The following MPPED2 variants were observed in gnomAD, a reference collection of about 807,000 sequenced individuals.
MPPED2 encodes the protein metallophosphoesterase domain containing 2.
A neutral mutation model predicts 33.0 loss-of-function variants in MPPED2; 5 were observed. That is an observed-to-expected ratio of 0.15 (90% CI 0.08 to 0.32). The LOEUF is 0.32. Ranked by LOEUF, MPPED2 falls within the 10% of genes least tolerant of loss-of-function variation. The pLI is 1.00. For synonymous variants in MPPED2, 136 were observed against 141.9 expected (o/e 0.96, Z 0.29); for missense variants, 275 against 372.1 (o/e 0.74, Z 2.15).
intron 3 of MPPED2, among the ~76,000 whole-genome samples, chr11:30,533,772 C>G (rs1371257341): frequency 1.3e-5 from 2 of 152,174 alleles, no homozygotes; most frequent in African/African-American, 4.8e-5. Flanking sequence ...CTCACCAGAT[C>G]ATAGGGGAAA....
intron 6 of MPPED2, 49 bp from the exon 7 acceptor site, chr11:30,411,635 G>A (rs745759405): frequency 2.0e-6 from 3 of 1,514,872 alleles, no homozygotes; most frequent in Non-Finnish European, 2.7e-6. Flanking sequence ...AAATGAGAGT[G>A]ATGGAATGTA....
intron 6 of MPPED2, among the ~76,000 whole-genome samples, chr11:30,400,414 G>T (rs1437134278): frequency 6.6e-6 from 1 of 152,148 alleles, no homozygotes; most frequent in Non-Finnish European, 1.5e-5. Flanking sequence ...GGAATGAAAA[G>T]GAAAATACCC....
At position 30,448,806 on chromosome 11, in the gene MPPED2, C is replaced by T. The variant is rs549946077; in HGVS notation, c.537-31173G>A. Among the ~76,000 whole-genome samples, 4 of 152,134 alleles carry T rather than the reference C, an allele frequency of 2.6e-5. No homozygotes were observed. The East Asian group carries it at 7.8e-4, about 30-fold the overall frequency. ...TCTCCTGCCCCAGCCTCCTGAGTAGCACCACCACGCCTGGCTAATTTTGTA... is the reference window on the plus strand; with the variant it reads ...TCTCCTGCCCCAGCCTCCTGAGTAGTACCACCACGCCTGGCTAATTTTGTA... On this transcript the variant is annotated intron_variant, in intron 4 of 6. Transcript: ENST00000358117.
At chr11:30,492,164 AAC>A (rs1413249763) in intron 4 of MPPED2, among the ~76,000 whole-genome samples, 3 of 152,200 alleles carry the variant, frequency 2.0e-5, no homozygotes, top group Admixed American at 2.0e-4. Flanking sequence ...CACCACCAAA[AAC>A]AGATCATGCC....
At chr11:30,440,000 C>T (rs1182920615) in intron 4 of MPPED2, among the ~76,000 whole-genome samples, 1 of 152,096 alleles carries the variant, frequency 6.6e-6, no homozygotes, top group Non-Finnish European at 1.5e-5. Flanking sequence ...AAGCTATGGC[C>T]CGTGGGCCAA....
chr11:30,554,139 G>A (rs1416703654), intron 2 of MPPED2, among the ~76,000 whole-genome samples: 2 of 152,142 alleles, frequency 1.3e-5, no homozygotes, highest in African/African-American at 2.4e-5. Flanking sequence ...CCGCCCTCAT[G>A]TCAATCCCCT....
chr11:30,453,254 A>C, intron 4 of MPPED2, among the ~76,000 whole-genome samples: 1 of 152,220 alleles, frequency 6.6e-6, no homozygotes, highest in East Asian at 1.9e-4. Context: ...CAGTCGAAGA[A>C]GACTCCACAC....
chr11:30,457,883 G>A (rs1272011475), intron 4 of MPPED2, among the ~76,000 whole-genome samples: 1 of 152,168 alleles, frequency 6.6e-6, no homozygotes, highest in East Asian at 1.9e-4. Context: ...ACAATTTGAT[G>A]ACACATATGA....
rs552639738 is a variant in MPPED2, at chr11:30,541,277, C to CA, written c.129-5103dup. 3.9e-3 allele frequency among the ~76,000 whole-genome samples: 598 copies of CA among 152,176 alleles called. 11 individuals carry two copies. Among genetic ancestry groups the CA allele is most frequent in the Non-Finnish European group, 1.0e-3 (70 of 67,992 alleles). The stretch of plus-strand genomic sequence containing the variant: ...TGACATATTAGGGTTTTTTTACTCA[C>CA]AAAAAATATGATAATATTATGGCTT... On this transcript the variant is annotated intron_variant, in intron 2 of 6. Coordinates refer to ENST00000358117, the MANE Select transcript of MPPED2 (RefSeq NM_001584.3).
chr11:30,442,325 T>C (rs1949614359), intron 4 of MPPED2, among the ~76,000 whole-genome samples: 2 of 152,212 alleles, frequency 1.3e-5, no homozygotes, highest in Admixed American at 1.3e-4. Flanking sequence ...CTGTGAATGT[T>C]TGGAGACATG....
At chr11:30,538,318 G>A (rs73459704) in intron 2 of MPPED2, among the ~76,000 whole-genome samples, 1 of 152,108 alleles carries the variant, frequency 6.6e-6, no homozygotes, top group Admixed American at 6.6e-5. Context: ...CCTTTGGGAG[G>A]TCATCTCAGC....
chr11:30,485,679 C>T (rs1217296694), intron 4 of MPPED2, among the ~76,000 whole-genome samples: 1 of 152,172 alleles, frequency 6.6e-6, no homozygotes, highest in African/African-American at 2.4e-5. Context: ...GCCTAAGGAA[C>T]TGCTTGTTTA....
exon 7 of MPPED2, chr11:30,386,981 T>C (rs775133043): frequency 5.2e-6 from 2 of 386,976 alleles, no homozygotes; most frequent in African/African-American, 2.1e-5. Context: ...ATCCATGGCT[T>C]GCAGATCAGA....
chr11:30,464,268 AACAC>A lies in MPPED2; in HGVS notation c.536+31024_536+31027del, dbSNP rs10660237. ...TTTTATTCTACCATGAAAGGATACT[AACAC>A]ACACACACACACACACACACACACA... is the stretch of plus-strand genomic sequence containing the variant. On this transcript the variant is annotated intron_variant, in intron 4 of 6. Transcript: ENST00000358117. Among the ~76,000 whole-genome samples, 253 of 146,010 alleles carry A rather than the reference AACAC, an allele frequency of 1.7e-3. 1 individual carries two copies. The highest frequency in any genetic ancestry group is 3.5e-3 in the Middle Eastern group (1 of 282).
At chr11:30,542,567 C>T (rs948278116) in intron 2 of MPPED2, among the ~76,000 whole-genome samples, 1 of 151,480 alleles carries the variant, frequency 6.6e-6, no homozygotes, top group Non-Finnish European at 1.5e-5. Context: ...GAGGTCAAGG[C>T]TGCAGCGAGC....
At chr11:30,480,207 G>A (rs111302988) in intron 4 of MPPED2, among the ~76,000 whole-genome samples, 3 of 152,162 alleles carry the variant, frequency 2.0e-5, no homozygotes, top group African/African-American at 7.2e-5. Flanking sequence ...ATATGCAAGG[G>A]CTGCATCTTC....
chr11:30,494,271 G>A (rs1471104716), intron 4 of MPPED2, among the ~76,000 whole-genome samples: 1 of 152,156 alleles, frequency 6.6e-6, no homozygotes, highest in Non-Finnish European at 1.5e-5. Flanking sequence ...ACCTAAGGCT[G>A]ATGGAATGTT....
chr11:30,536,424 C>T (rs895228020), intron 2 of MPPED2, among the ~76,000 whole-genome samples: 5 of 152,098 alleles, frequency 3.3e-5, no homozygotes, highest in Non-Finnish European at 5.9e-5. Context: ...GAATATCTTA[C>T]ATATAGATCT....
chr11:30,541,437 A>T (rs1955108139), intron 2 of MPPED2, among the ~76,000 whole-genome samples: 1 of 152,170 alleles, frequency 6.6e-6, no homozygotes, highest in Non-Finnish European at 1.5e-5. Flanking sequence ...TCTTCTTTAG[A>T]CCATGTGTGC....
Sources: allele counts gnomAD v4.1 joint callset (sites outside exome capture counted in the v4.1 genomes callset), GRCh38; gene constraint gnomAD v4.1.1; transcripts MANE v1.5; gene names NCBI Gene and HGNC (gene_info 2026-07-23, HGNC 2026-07-21).